The following RESF1 variants were observed in gnomAD, a reference collection of about 807,000 sequenced individuals.
RESF1 encodes the protein gonad expressed transcript.
RESF1 carries 65 observed loss-of-function variants against 134.7 expected under a neutral mutation model. The ratio of observed to expected loss-of-function variants is 0.48; its 90% CI spans 0.40 to 0.59. The LOEUF (loss-of-function observed/expected upper bound fraction) is 0.59, where lower values mean the gene tolerates loss of function less well. Ranked by LOEUF, RESF1 falls within the 20% of genes least tolerant of loss-of-function variation. RESF1 has a pLI of 0.00. For missense variants in RESF1, 2,274 were observed against 2,002.7 expected, an observed-to-expected ratio of 1.14 and a Z score of -2.59; for synonymous variants, 762 against 702.2, an observed-to-expected ratio of 1.09 and a Z score of -1.35.
Position 31,985,576 on chromosome 12 carries a change from G to C in RESF1, c.4621G>C (p.Gly1541Arg), listed in dbSNP as rs757169065. ...TCTAAGGAATGTTAAAGAAAAAGTTGGTGGGAAGCAGCCTGATAAAATATG... is the reference window on the plus strand; with the variant it reads ...TCTAAGGAATGTTAAAGAAAAAGTTCGTGGGAAGCAGCCTGATAAAATATG... ...NILRNVKEKV[G>R]GKQPDKIWID... is the part of the protein sequence containing the mutation. The change falls in exon 4 of 6, where the codon GGT becomes CGT. Residue 1541 changes from glycine (G) to arginine (R), a missense_variant. Transcript: ENST00000312561. The C allele has an allele frequency of 6.3e-7, 1 of 1,598,436 alleles. No individual in the cohort carries two copies. The highest frequency in any genetic ancestry group is 1.1e-5 in the South Asian group (1 of 87,728).
rs778638118 is a variant in RESF1, at chr12:31,982,040, A to G, written c.1085A>G (p.Gln362Arg). Residue 362 changes from glutamine (Q) to arginine (R), a missense_variant, in exon 4 of 6, where the codon CAG becomes CGG. Coordinates refer to ENST00000312561, the MANE Select transcript of RESF1 (RefSeq NM_018169.4). Reference protein sequence around the residue: ...SPIRSSVDGVQTLAQTNEEKI... With the variant: ...SPIRSSVDGVRTLAQTNEEKI... ...ATTAGATCTTCTGTGGATGGTGTTC[A>G]GACTCTTGCTCAAACTAATGAAGAG... 12 of 1,614,190 alleles carry G rather than the reference A, an allele frequency of 7.4e-6. No individual in the cohort carries two copies. The South Asian group carries it at 1.2e-4, about 16-fold the overall frequency.
rs558199490 is a variant in RESF1 at position 31,970,351 on chromosome 12, G to A, written c.-84G>A. The A allele has an allele frequency of 2.0e-5, 3 of 152,326 alleles. No homozygotes were observed. Among genetic ancestry groups the A allele is most frequent in the South Asian group, 4.1e-4 (2 of 4,832 alleles). The allele number at this position is 152,326 out of a possible 1,614,324, so 9.4% of individuals were successfully genotyped here. Reference sequence around the variant, plus strand: ...TGGACAGTTAGTCACCCACCTACATGTTGAGGTACTCTGGACCTTTTTCTT... The same window carrying A: ...TGGACAGTTAGTCACCCACCTACATATTGAGGTACTCTGGACCTTTTTCTT... On this transcript the variant is annotated 5_prime_UTR_variant, in exon 3 of 6. It removes an upstream start codon present in the reference 5' UTR. Transcript: ENST00000312561.
Position 31,985,499 on chromosome 12 carries a change from A to G in RESF1, c.4544A>G (p.His1515Arg), listed in dbSNP as rs777631900. The change falls in exon 4 of 6, where the codon CAT becomes CGT. Residue 1515 changes from histidine to arginine, a missense_variant. His to Arg is a conservative substitution (Grantham distance 29). Coordinates refer to ENST00000312561, the MANE Select transcript of RESF1 (RefSeq NM_018169.4). ...GAATCATTAAATGGCTTGACAAGCCATGGTAAAAACCTCAAAATCCACCAT... is the reference window on the plus strand; with the variant it reads ...GAATCATTAAATGGCTTGACAAGCCGTGGTAAAAACCTCAAAATCCACCAT... ...SKESLNGLTS[H>R]GKNLKIHHSQ... is the part of the protein sequence containing the mutation. The G allele has an allele frequency of 4.5e-5, 72 of 1,604,038 alleles. No homozygotes were observed. The Middle Eastern group carries it at 8.3e-4, about 19-fold the overall frequency.
At chr12:31,975,142 C>T (rs971105136) in intron 3 of RESF1, among the ~76,000 whole-genome samples, 3 of 151,828 alleles carry the variant, frequency 2.0e-5, no homozygotes, top group African/African-American at 4.8e-5. Context: ...GGCATGGTGG[C>T]GCGCGCCTGT....
intron 3 of RESF1, among the ~76,000 whole-genome samples, chr12:31,979,714 A>AT (rs766734847): frequency 0.016 from 2,324 of 142,910 alleles, 47 homozygotes; most frequent in African/African-American, 0.051. Context: ...TGACGGGGTA[A>AT]TTTTTTTTTT....
intron 2 of RESF1, among the ~76,000 whole-genome samples, chr12:31,966,346 T>A (rs191876843): frequency 6.6e-6 from 1 of 152,338 alleles, no homozygotes; most frequent in East Asian, 1.9e-4. Context: ...GGCAGAATTC[T>A]CGTAGGGTAA....
intron 3 of RESF1, among the ~76,000 whole-genome samples, chr12:31,976,127 A>T (rs1476901357): frequency 1.3e-5 from 2 of 152,232 alleles, no homozygotes; most frequent in African/African-American, 4.8e-5. Context: ...CATTGTGTAT[A>T]GTATTACCAC....
chr12:31,989,213 G>A (rs1177167445), intron 5 of RESF1, among the ~76,000 whole-genome samples: 2 of 148,468 alleles, frequency 1.3e-5, no homozygotes, highest in South Asian at 2.2e-4. Flanking sequence ...TGGCTAACAC[G>A]GTGAAACCCT....
At chr12:31,964,229 T>TAATC (rs1338603363) in intron 2 of RESF1, among the ~76,000 whole-genome samples, 1 of 152,072 alleles carries the variant, frequency 6.6e-6, no homozygotes. Flanking sequence ...GAACATTATT[T>TAATC]AATCACCCAG....
chr12:31,985,362 G>GA lies in RESF1; in HGVS notation c.4412dup (p.Asn1471LysfsTer5). The GA allele has an allele frequency of 6.2e-7, 1 of 1,607,722 alleles. No individual in the cohort carries two copies. The highest frequency in any genetic ancestry group is 1.7e-4 in the Middle Eastern group (1 of 6,034). On this transcript the variant is annotated frameshift_variant, in exon 4 of 6. Coordinates refer to ENST00000312561, the MANE Select transcript of RESF1 (RefSeq NM_018169.4). LOFTEE classifies it high-confidence loss of function. ...ATAAAGCATCGAAGAAAATCTGTGTGAAAAACGTGCCATGTGATTCTGAAC... is the reference window on the plus strand; with the variant it reads ...ATAAAGCATCGAAGAAAATCTGTGTGAAAAAACGTGCCATGTGATTCTGAAC...
chr12:31,978,457 T>C (rs1014310921), intron 3 of RESF1, among the ~76,000 whole-genome samples: 9 of 152,212 alleles, frequency 5.9e-5, no homozygotes, highest in African/African-American at 2.2e-4. Context: ...TCTTCCATGT[T>C]ACTATTTAAT....
intron 2 of RESF1, among the ~76,000 whole-genome samples, chr12:31,965,067 C>G (rs11051701): frequency 0.11 from 16,978 of 152,106 alleles, 1,087 homozygotes; most frequent in East Asian, 0.22. Flanking sequence ...TCCGATTCTT[C>G]TGCCTCAGCC....
At chr12:31,976,903 G>T (rs11051716) in intron 3 of RESF1, among the ~76,000 whole-genome samples, 23,732 of 152,110 alleles carry the variant, frequency 0.16, 2,196 homozygotes, top group Middle Eastern at 0.26. Context: ...CAACTGTAGT[G>T]TCTCATACAG....
chr12:31,964,567 A>G (rs747853586), intron 2 of RESF1, among the ~76,000 whole-genome samples: 14 of 152,244 alleles, frequency 9.2e-5, no homozygotes, highest in Middle Eastern at 6.8e-3. Flanking sequence ...GGTCTTTGCT[A>G]TTGTGAATAG....
At chr12:31,988,168 G>C (rs1250094966) in intron 5 of RESF1, among the ~76,000 whole-genome samples, 1 of 152,176 alleles carries the variant, frequency 6.6e-6, no homozygotes, top group Non-Finnish European at 1.5e-5. Flanking sequence ...TTTTATAGAT[G>C]AGAGGTTACA....
In RESF1 at chr12:31,985,069, A is replaced by C; in HGVS notation, c.4114A>C (p.Lys1372Gln). Residue 1372 changes from lysine (K) to glutamine (Q), a missense_variant, in exon 4 of 6, where the codon AAA (lysine) becomes CAA (glutamine). Coordinates refer to ENST00000312561, the MANE Select transcript of RESF1 (RefSeq NM_018169.4). ...IKLKLKSVSF[K>Q]QKRKLDQGNV... ...ATTGAAACTCAAATCAGTTAGCTTC[A>C]AACAAAAACGAAAGTTAGACCAAGG... 6.4e-7 allele frequency: 1 copy of C among 1,573,672 alleles called. No homozygotes were observed. Among genetic ancestry groups the C allele is most frequent in the Non-Finnish European group, 8.6e-7 (1 of 1,167,662 alleles).
In RESF1 at chr12:31,992,668, A is replaced by C; in HGVS notation, c.*133A>C. The C allele has an allele frequency of 6.5e-6, 6 of 925,008 alleles. No individual in the cohort carries two copies. The highest frequency in any genetic ancestry group is 6.8e-6 in the Non-Finnish European group (4 of 588,212). The allele number at this position is 925,008 out of a possible 1,614,324, so 57.3% of individuals were successfully genotyped here. On this transcript the variant is annotated 3_prime_UTR_variant, in exon 6 of 6. Transcript: ENST00000312561. Reference sequence around the variant, plus strand: ...TTGGTTCCCACTTTCATTGTATTTCATTGAAAGTGCTTAATTAAAATGGCT... The same window carrying C: ...TTGGTTCCCACTTTCATTGTATTTCCTTGAAAGTGCTTAATTAAAATGGCT...
chr12:31,979,455 T>G (rs748263140), intron 3 of RESF1, among the ~76,000 whole-genome samples: 1 of 152,166 alleles, frequency 6.6e-6, no homozygotes, highest in Non-Finnish European at 1.5e-5. Flanking sequence ...AAGGTATGCT[T>G]TCTCTGAGGT....
chr12:31,992,303 C>G (rs998427862), intron 5 of RESF1, 75 bp from the exon 6 acceptor site: 14 of 1,270,584 alleles, frequency 1.1e-5, no homozygotes, highest in Non-Finnish European at 1.6e-5. Context: ...ATATATTTTC[C>G]CTCTGAATTT....
Sources: gnomAD v4.1 joint callset for allele counts (sites outside exome capture counted in the v4.1 genomes callset) on GRCh38, gnomAD v4.1.1 for gene constraint, MANE v1.5 for transcripts, NCBI Gene and HGNC (gene_info 2026-07-23, HGNC 2026-07-21) for gene names.